Variants in ITGA9 observed in about 807,000 individuals in gnomAD.
ITGA9 encodes the protein integrin subunit alpha 9.
Under a neutral mutation model 127.8 loss-of-function variants are expected in ITGA9, and 56 were observed. The observed-to-expected ratio is 0.44, with a 90% CI of 0.35 to 0.55. The LOEUF is 0.55. Among genes scored for constraint, ITGA9 ranks in the 20% least tolerant of loss-of-function variants. ITGA9 has a pLI of 0.00. For missense variants in ITGA9, 1,196 were observed against 1,347.1 expected (o/e 0.89, Z 1.76); for synonymous variants, 508 against 514.5 (o/e 0.99, Z 0.17).
rs1287287611 is a variant in ITGA9 at position 37,820,898 on chromosome 3, A to G, written c.*1909A>G. ...GTTGGGAGTCCGTGAACATTGTCAA[A>G]AAGACATCAAACTCAACTTCTGGGA... On this transcript the variant is annotated 3_prime_UTR_variant, in exon 28 of 28. Coordinates refer to ENST00000264741, the MANE Select transcript of ITGA9 (RefSeq NM_002207.3). 6.6e-6 allele frequency: 1 copy of G among 152,222 alleles called. No individual in the cohort carries two copies. Among genetic ancestry groups the G allele is most frequent in the African/African-American group, 2.4e-5 (1 of 41,446 alleles). The allele number at this position is 152,222 out of a possible 1,614,324, so 9.4% of individuals were successfully genotyped here. A position where few individuals can be genotyped will look rare whatever the true frequency, so the allele number is the denominator to read the frequency against.
intron 5 of ITGA9, among the ~76,000 whole-genome samples, chr3:37,501,883 G>A (rs1285514953): frequency 3.3e-5 from 5 of 152,232 alleles, no homozygotes; most frequent in African/African-American, 4.8e-5. Flanking sequence ...AGAGCCTAAT[G>A]TGGTTGAAAT....
At position 37,621,109 on chromosome 3, in the gene ITGA9, G is replaced by GGGAAGTCTGTTCTTATGAATAAGTTCT. The variant is rs1374660298; in HGVS notation, c.1690-8078_1690-8077insGGAAGTCTGTTCTTATGAATAAGTTCT. Among the ~76,000 whole-genome samples the GGGAAGTCTGTTCTTATGAATAAGTTCT allele has an allele frequency of 3.0e-3, 459 of 152,278 alleles. 1 individual carries two copies. Among genetic ancestry groups the GGGAAGTCTGTTCTTATGAATAAGTTCT allele is most frequent in the African/African-American group, 0.011 (438 of 41,548 alleles). The stretch of plus-strand genomic sequence containing the variant: ...TGATTTTCCCCATACTGTTCTTATG[G>GGGAAGTCTGTTCTTATGAATAAGTTCT]TAGTGAATAAGTCTCATGAGGTCTG... On this transcript the variant is annotated intron_variant, in intron 15 of 27. Transcript: ENST00000264741.
At chr3:37,810,870 T>C (rs1053498003) in intron 27 of ITGA9, among the ~76,000 whole-genome samples, 2 of 152,254 alleles carry the variant, frequency 1.3e-5, no homozygotes, top group African/African-American at 4.8e-5. Flanking sequence ...CAGAAAGCCC[T>C]TATCGTGTCA....
At chr3:37,664,985 T>C (rs2125653400) in intron 17 of ITGA9, among the ~76,000 whole-genome samples, 1 of 151,480 alleles carries the variant, frequency 6.6e-6, no homozygotes, top group East Asian at 1.9e-4. Flanking sequence ...TTTTTTTTTT[T>C]TTTTTAGATG....
intron 15 of ITGA9, among the ~76,000 whole-genome samples, chr3:37,593,643 T>C (rs1699841741): frequency 6.6e-6 from 1 of 152,214 alleles, no homozygotes; most frequent in South Asian, 2.1e-4. Flanking sequence ...AATTATATCC[T>C]GAAAGGCCCA....
chr3:37,520,310 G>A (rs1363747413), intron 11 of ITGA9, among the ~76,000 whole-genome samples: 2 of 152,182 alleles, frequency 1.3e-5, no homozygotes, highest in African/African-American at 2.4e-5. Context: ...GCGAAGAGGA[G>A]GGACTGTTTT....
In ITGA9 at chr3:37,481,561, C is replaced by T. The variant is rs552693431; in HGVS notation, c.498C>T (p.Pro166=). Reference sequence around the variant, plus strand: ...CCCATGGCTTCTGCTACATCATCCCCTCCAACCTCCAGGCCAAAGGCAGGA... The same window carrying T: ...CCCATGGCTTCTGCTACATCATCCCTTCCAACCTCCAGGCCAAAGGCAGGA... ...ILPHGFCYII[P]SNLQAKGRTL... Residue 166 remains proline, a synonymous_variant, in exon 4 of 28, where the codon CCC becomes CCT. Coordinates refer to ENST00000264741, the MANE Select transcript of ITGA9 (RefSeq NM_002207.3). 6.2e-6 allele frequency: 10 copies of T among 1,614,092 alleles called. No homozygotes were observed. The African/African-American group carries it at 9.3e-5, about 15-fold the overall frequency.
chr3:37,663,940 A>G (rs984283107), intron 17 of ITGA9, among the ~76,000 whole-genome samples: 9 of 152,254 alleles, frequency 5.9e-5, no homozygotes, highest in Admixed American at 1.3e-4. Flanking sequence ...TTAGCATATA[A>G]GGAAACACTC....
intron 18 of ITGA9, among the ~76,000 whole-genome samples, chr3:37,689,941 T>C (rs1002278085): frequency 6.6e-6 from 1 of 152,194 alleles, no homozygotes; most frequent in African/African-American, 2.4e-5. Flanking sequence ...GCTCATGGCC[T>C]ATTGGGGCCA....
rs557312322 is a variant in ITGA9, at chr3:37,814,344, T to G, written c.3010-4547T>G. ...ACTTTGGGAGGCCAAGGCAGGCGGATCATCTGAGGTCAGGAGTTCAAGATC... is the reference window on the plus strand; with the variant it reads ...ACTTTGGGAGGCCAAGGCAGGCGGAGCATCTGAGGTCAGGAGTTCAAGATC... On this transcript the variant is annotated intron_variant, in intron 27 of 27. Transcript: ENST00000264741. The surrounding 1 kb of genome is among the most constrained non-coding windows in gnomAD (Gnocchi z 4.3). Among the ~76,000 whole-genome samples the G allele has an allele frequency of 3.5e-4, 54 of 152,140 alleles. No individual in the cohort carries two copies. Among genetic ancestry groups the G allele is most frequent in the Non-Finnish European group, 6.2e-4 (42 of 68,024 alleles).
At chr3:37,678,779 A>G (rs1308067881) in intron 17 of ITGA9, among the ~76,000 whole-genome samples, 3 of 152,230 alleles carry the variant, frequency 2.0e-5, no homozygotes, top group African/African-American at 4.8e-5. Flanking sequence ...GTGATTCAGC[A>G]TATGTGGTTG....
chr3:37,485,379 G>A (rs935137579), intron 4 of ITGA9, among the ~76,000 whole-genome samples: 4 of 152,076 alleles, frequency 2.6e-5, no homozygotes, highest in Admixed American at 1.3e-4. Context: ...TGGAAAGACC[G>A]TGGGAGGGGC....
intron 18 of ITGA9, among the ~76,000 whole-genome samples, chr3:37,699,285 G>T (rs1486946844): frequency 6.6e-6 from 1 of 152,144 alleles, no homozygotes; most frequent in African/African-American, 2.4e-5. Context: ...GTACCAAATT[G>T]CCTGTTTGGC....
intron 13 of ITGA9, among the ~76,000 whole-genome samples, chr3:37,531,491 G>A (rs1699151575): frequency 6.6e-6 from 1 of 152,214 alleles, no homozygotes; most frequent in South Asian, 2.1e-4. Flanking sequence ...TGTCTGGGCT[G>A]CCCACGTCTG....
At chr3:37,702,505 C>G (rs1442644950) in intron 18 of ITGA9, among the ~76,000 whole-genome samples, 1 of 152,076 alleles carries the variant, frequency 6.6e-6, no homozygotes, top group Non-Finnish European at 1.5e-5. Flanking sequence ...AAGGACCTTG[C>G]AAAGCCCATG....
intron 3 of ITGA9, among the ~76,000 whole-genome samples, chr3:37,474,549 A>C (rs1365184665): frequency 2.0e-5 from 3 of 151,644 alleles, no homozygotes; most frequent in Non-Finnish European, 4.4e-5. Flanking sequence ...ATGGGTTTTC[A>C]CGCATGTACA....
Position 37,471,057 on chromosome 3 carries a change from A to C in ITGA9, c.236A>C (p.Lys79Thr), listed in dbSNP as rs774223835. 3.3e-5 allele frequency: 53 copies of C among 1,613,878 alleles called. No homozygotes were observed. Among genetic ancestry groups the C allele is most frequent in the Non-Finnish European group, 4.5e-5 (53 of 1,179,948 alleles). The change falls in exon 2 of 28, where the codon AAG becomes ACG. Residue 79 changes from lysine (K) to threonine (T), a missense_variant. Transcript: ENST00000264741. ...GATTCCAAATACAGCCCTTCAGTGA[A>C]GTCTCCTGGGGCTGTGTTTAAGTGC... Reference protein sequence around the residue: ...KADSKYSPSVKSPGAVFKCRV... With the variant: ...KADSKYSPSVTSPGAVFKCRV...
intron 15 of ITGA9, among the ~76,000 whole-genome samples, chr3:37,606,270 G>C (rs1699968041): frequency 6.6e-6 from 1 of 152,152 alleles, no homozygotes; most frequent in African/African-American, 2.4e-5. Context: ...TGTCATCCAA[G>C]AGGGCCTCAA....
chr3:37,738,751 G>C (rs978645848), intron 20 of ITGA9, among the ~76,000 whole-genome samples: 3 of 152,216 alleles, frequency 2.0e-5, no homozygotes, highest in Admixed American at 6.5e-5. Context: ...CAGCCTGTAT[G>C]CCTGGGAAGG....
Sources: gnomAD v4.1 joint callset for allele counts (sites outside exome capture counted in the v4.1 genomes callset) on GRCh38, gnomAD v4.1.1 for gene constraint, Gnocchi (gnomAD v3.1) non-coding constraint, MANE v1.5 for transcripts, NCBI Gene and HGNC (gene_info 2026-07-23, HGNC 2026-07-21) for gene names.